Variants in EBF1 observed in about 807,000 individuals in gnomAD.
EBF1 encodes the protein transcription factor COE1.
EBF1 carries 10 observed loss-of-function variants against 68.4 expected under a neutral mutation model. The ratio of observed to expected loss-of-function variants is 0.15; its 90% CI spans 0.09 to 0.25. The LOEUF is 0.25. Among genes scored for constraint, EBF1 ranks in the 10% least tolerant of loss-of-function variants. The pLI is 1.00. For synonymous variants in EBF1, 298 were observed against 299.8 expected, an observed-to-expected ratio of 0.99 and a Z score of 0.06; for missense variants, 509 against 794.4, an observed-to-expected ratio of 0.64 and a Z score of 4.32.
rs373808349 is a variant in EBF1, at chr5:158,857,424, T to C, written c.555-17314A>G. Among the ~76,000 whole-genome samples the C allele has an allele frequency of 5.8e-4, 88 of 152,188 alleles. 1 individual carries two copies. Among genetic ancestry groups the C allele is most frequent in the African/African-American group, 2.0e-3 (81 of 41,534 alleles). ...TCTGTTGCCCCTAAAAACAAGTTCC[T>C]ACCCATTCACAATGACATAAATGTT... On this transcript the variant is annotated intron_variant, in intron 6 of 15. Transcript: ENST00000313708.
In EBF1 at chr5:158,913,427, G is replaced by T. The variant is rs537206534; in HGVS notation, c.555-73317C>A. ...TTAACACACGTCAGTGGGCTTGAAT[G>T]ATTTCTGAGAATTTTCCATCAGTGT... On this transcript the variant is annotated intron_variant, in intron 6 of 15. Transcript: ENST00000313708. 7.9e-5 allele frequency among the ~76,000 whole-genome samples: 12 copies of T among 152,300 alleles called. No homozygotes were observed. The South Asian group carries it at 2.5e-3, about 32-fold the overall frequency.
chr5:159,021,307 A>G (rs940788391), intron 6 of EBF1, among the ~76,000 whole-genome samples: 1 of 152,244 alleles, frequency 6.6e-6, no homozygotes, highest in Non-Finnish European at 1.5e-5. Context: ...GGGCAACTGC[A>G]CTCATAGGAG....
At chr5:158,954,675 G>A (rs1173084215) in intron 6 of EBF1, among the ~76,000 whole-genome samples, 12 of 152,150 alleles carry the variant, frequency 7.9e-5, no homozygotes, top group East Asian at 1.9e-4. Context: ...GGTCAGTAGC[G>A]TGGCCCTGTG....
At chr5:158,931,523 T>C (rs1561545927) in intron 6 of EBF1, among the ~76,000 whole-genome samples, 1 of 152,192 alleles carries the variant, frequency 6.6e-6, no homozygotes, top group Non-Finnish European at 1.5e-5. Flanking sequence ...CCCTGAAACA[T>C]CTCAGGAAAT....
In EBF1 at chr5:159,099,915, G is replaced by T. The variant is rs1783312672; in HGVS notation, c.-437C>A. On this transcript the variant is annotated 5_prime_UTR_variant, in exon 1 of 16. It adds an upstream start codon to the 5' untranslated region. Coordinates refer to ENST00000313708, the MANE Select transcript of EBF1 (RefSeq NM_024007.5). ...GAGGTACCCTTCACTTGAAGAAGCA[G>T]GAAGAAAAAAAAAAAAAAAAAAAAA... Among the ~76,000 whole-genome samples the T allele has an allele frequency of 4.5e-5, 1 of 22,234 alleles. No homozygotes were observed. 14.6% of individuals were successfully genotyped at this position (22,234 alleles called of 152,430 possible). A position where few individuals can be genotyped will look rare whatever the true frequency, so the allele number is the denominator to read the frequency against.
In EBF1 at chr5:158,696,491, C is replaced by T. The variant is rs376402159; in HGVS notation, c.*2620G>A. The T allele has an allele frequency of 4.5e-5, 10 of 224,294 alleles. No individual in the cohort carries two copies. The South Asian group carries it at 5.5e-4, about 12-fold the overall frequency. The allele number at this position is 224,294 out of a possible 1,614,324, so 13.9% of individuals were successfully genotyped here. ...CACCTTCCCGGCTGACCGTTCATTC[C>T]TTCAGAAACAGTTAAGGGGCTCACC... On this transcript the variant is annotated 3_prime_UTR_variant, in exon 16 of 16. Transcript: ENST00000313708.
chr5:159,091,432 C>T (rs1781623732), intron 4 of EBF1, among the ~76,000 whole-genome samples: 1 of 152,150 alleles, frequency 6.6e-6, no homozygotes, highest in Admixed American at 6.5e-5. Context: ...TTTAAATCAC[C>T]TGCATTTTTG....
chr5:159,042,773 G>T (rs973342601), intron 6 of EBF1, among the ~76,000 whole-genome samples: 3 of 151,630 alleles, frequency 2.0e-5, no homozygotes, highest in Admixed American at 6.6e-5. Context: ...AGTCTAAGTT[G>T]TTAAGTTCTG....
At chr5:159,001,542 G>A (rs1431000886) in intron 6 of EBF1, among the ~76,000 whole-genome samples, 1 of 152,114 alleles carries the variant, frequency 6.6e-6, no homozygotes, top group African/African-American at 2.4e-5. Flanking sequence ...TAAAAGAAAC[G>A]ATATTCCCCC....
intron 7 of EBF1, among the ~76,000 whole-genome samples, chr5:158,824,210 C>A (rs1165374389): frequency 6.6e-6 from 1 of 152,208 alleles, no homozygotes; most frequent in Non-Finnish European, 1.5e-5. Context: ...CAGCTCCCAC[C>A]TCATGCTTTG....
At chr5:159,076,271 A>C (rs1778763414) in intron 5 of EBF1, among the ~76,000 whole-genome samples, 1 of 152,194 alleles carries the variant, frequency 6.6e-6, no homozygotes, top group Admixed American at 6.5e-5. Flanking sequence ...TTTATGAATG[A>C]ATGTTATGTA....
At chr5:158,845,091 A>G (rs1791191489) in intron 6 of EBF1, among the ~76,000 whole-genome samples, 2 of 152,330 alleles carry the variant, frequency 1.3e-5, no homozygotes, top group South Asian at 4.1e-4. Flanking sequence ...CTGCATGCAT[A>G]GTGCCCGGCG....
intron 7 of EBF1, among the ~76,000 whole-genome samples, chr5:158,825,530 A>G (rs1432495594): frequency 6.6e-6 from 1 of 151,904 alleles, no homozygotes; most frequent in Non-Finnish European, 1.5e-5. Flanking sequence ...ATGCACCTGT[A>G]AGACACAAGC....
At chr5:158,942,071 G>A (rs1050159443) in intron 6 of EBF1, among the ~76,000 whole-genome samples, 7 of 152,142 alleles carry the variant, frequency 4.6e-5, no homozygotes, top group Non-Finnish European at 8.8e-5. Context: ...AAATGAGAAA[G>A]AAAGCAGTGG....
intron 6 of EBF1, among the ~76,000 whole-genome samples, chr5:159,064,649 C>T (rs1488028763): frequency 6.6e-6 from 1 of 152,110 alleles, no homozygotes; most frequent in African/African-American, 2.4e-5. Context: ...CTGGTCTTCA[C>T]GAGCCAGATC....
intron 6 of EBF1, among the ~76,000 whole-genome samples, chr5:159,047,478 G>A (rs539829675): frequency 2.0e-5 from 3 of 152,208 alleles, no homozygotes; most frequent in South Asian, 2.1e-4. Context: ...TTGGGGTGGC[G>A]CAAAGGGGAC....
intron 10 of EBF1, among the ~76,000 whole-genome samples, chr5:158,758,716 A>T (rs571649365): frequency 1.3e-5 from 2 of 152,312 alleles, no homozygotes; most frequent in South Asian, 4.1e-4. Flanking sequence ...ATATATATTT[A>T]TTCAAACTGA....
intron 5 of EBF1, among the ~76,000 whole-genome samples, chr5:159,077,796 G>T (rs1779053431): frequency 8.3e-6 from 1 of 120,714 alleles, no homozygotes. Flanking sequence ...GCAGTGGTGT[G>T]ATCTCAGCTC....
chr5:158,801,678 A>G (rs1780611691), intron 8 of EBF1, among the ~76,000 whole-genome samples: 1 of 151,856 alleles, frequency 6.6e-6, no homozygotes, highest in Non-Finnish European at 1.5e-5. Flanking sequence ...AAAAAAAAAA[A>G]AAAAAGAAAG....
Sources: allele counts gnomAD v4.1 joint callset (sites outside exome capture counted in the v4.1 genomes callset), GRCh38; gene constraint gnomAD v4.1.1; transcripts MANE v1.5; gene names NCBI Gene and HGNC (gene_info 2026-07-23, HGNC 2026-07-21).